MTDH: variants seen among roughly 807,000 people sequenced by gnomAD.
The protein encoded by MTDH is protein LYRIC.
Under a neutral mutation model 72.7 loss-of-function variants are expected in MTDH, and 34 were observed. The observed-to-expected ratio is 0.47, with a 90% confidence interval of 0.36 to 0.62. The LOEUF is 0.62. Ranked by LOEUF, MTDH falls within the 20% of genes least tolerant of loss-of-function variation. The probability of loss-of-function intolerance (pLI) is 0.00; values close to 1 mark genes in which losing one functional copy is unlikely to be tolerated. For synonymous variants in MTDH, 266 were observed against 268.9 expected, an observed-to-expected ratio of 0.99 and a Z score of 0.10; for missense variants, 677 against 699.4, an observed-to-expected ratio of 0.97 and a Z score of 0.36.
chr8:97,715,001 T>C (rs1814803647), intron 9 of MTDH, among the ~76,000 whole-genome samples: 1 of 151,960 alleles, frequency 6.6e-6, no homozygotes, highest in East Asian at 1.9e-4. Flanking sequence ...AATTTTTGTA[T>C]TTTAGTAGAG....
At chr8:97,700,843 A>C (rs1269757732) in intron 7 of MTDH, among the ~76,000 whole-genome samples, 3 of 152,158 alleles carry the variant, frequency 2.0e-5, no homozygotes, top group Non-Finnish European at 2.9e-5. Context: ...CTTAACCACT[A>C]TCTGGTACAG....
At chr8:97,693,129 T>C (rs548762356) in intron 6 of MTDH, among the ~76,000 whole-genome samples, 1 of 152,236 alleles carries the variant, frequency 6.6e-6, no homozygotes, top group Non-Finnish European at 1.5e-5. Flanking sequence ...AGTGCCTAAG[T>C]ATTTTCTAAG....
chr8:97,680,308 T>C (rs566522096), intron 2 of MTDH, among the ~76,000 whole-genome samples: 2 of 152,142 alleles, frequency 1.3e-5, no homozygotes, highest in South Asian at 4.1e-4. Flanking sequence ...CTGGCCTCAA[T>C]CGGTCGGCCC....
intron 1 of MTDH, among the ~76,000 whole-genome samples, chr8:97,660,310 A>G (rs1225381333): frequency 6.6e-6 from 1 of 152,214 alleles, no homozygotes; most frequent in Non-Finnish European, 1.5e-5. Flanking sequence ...GGCTGTGGCA[A>G]TGGGTCGGAA....
At chr8:97,655,427 A>C (rs928265913) in intron 1 of MTDH, among the ~76,000 whole-genome samples, 5 of 152,248 alleles carry the variant, frequency 3.3e-5, no homozygotes, top group African/African-American at 9.6e-5. Flanking sequence ...TGCTGCCTCT[A>C]GAGCAAGCCT....
In MTDH at chr8:97,697,146, A is replaced by T. The variant is rs1428398761; in HGVS notation, c.1049-2608A>T. Among the ~76,000 whole-genome samples the T allele has an allele frequency of 1.0e-3, 72 of 68,898 alleles. 1 individual carries two copies. Among genetic ancestry groups the T allele is most frequent in the African/African-American group, 7.5e-3 (55 of 7,322 alleles). The allele number at this position is 68,898 out of a possible 152,430, so 45.2% of individuals were successfully genotyped here. On this transcript the variant is annotated intron_variant, in intron 6 of 11. Transcript: ENST00000336273. ...AAAAAAAAAATATATATATATATAT[A>T]TATATTTTTTTTTTGTGGACCCAGT...
chr8:97,665,940 A>G (rs1333612239), intron 2 of MTDH, among the ~76,000 whole-genome samples: 1 of 152,128 alleles, frequency 6.6e-6, no homozygotes, highest in African/African-American at 2.4e-5. Flanking sequence ...CATCCTGGCT[A>G]ACACAGTGAA....
At chr8:97,685,289 T>C (rs1813315232) in intron 2 of MTDH, among the ~76,000 whole-genome samples, 1 of 152,156 alleles carries the variant, frequency 6.6e-6, no homozygotes, top group Non-Finnish European at 1.5e-5. Context: ...ATGTTAATGA[T>C]AATGAGAACA....
rs1812734058 is a variant in MTDH at position 97,673,880 on chromosome 8, T to A, written c.483+12707T>A. The stretch of plus-strand genomic sequence containing the variant: ...TTCCCAGCTACTTGGGAGGCTGAGG[T>A]AGGAGCATTGCTTGAGCCCAAGAGG... On this transcript the variant is annotated intron_variant, in intron 2 of 11. Transcript: ENST00000336273. 4.0e-5 allele frequency among the ~76,000 whole-genome samples: 6 copies of A among 150,372 alleles called. No individual in the cohort carries two copies. In the South Asian group the frequency reaches 1.3e-3, roughly 32 times the overall value.
intron 7 of MTDH, among the ~76,000 whole-genome samples, chr8:97,704,246 A>G (rs912556099): frequency 4.6e-5 from 7 of 152,166 alleles, no homozygotes; most frequent in East Asian, 1.9e-4. Context: ...AAGCTTACCT[A>G]TCTTCACCCC....
intron 2 of MTDH, among the ~76,000 whole-genome samples, chr8:97,663,405 A>G (rs1353681516): frequency 1.3e-5 from 2 of 152,162 alleles, no homozygotes; most frequent in South Asian, 2.1e-4. Context: ...ATATACTTAC[A>G]TATCTAGTAG....
chr8:97,644,575 A>G lies in MTDH; in HGVS notation c.69A>G (p.Glu23=), dbSNP rs767299616. 2.5e-6 allele frequency: 4 copies of G among 1,607,160 alleles called. No homozygotes were observed. In the South Asian group the frequency reaches 3.3e-5, roughly 13 times the overall value. The part of the protein sequence containing the change: ...QAEEGSARLR[E]MLSVGLGFLR... ...AGGAGGGCTCGGCCCGGCTGCGGGA[A>G]ATGCTCTCGGTCGGCCTAGGCTTTC... Residue 23 remains glutamate, a synonymous_variant, in exon 1 of 12, where the codon GAA becomes GAG. Transcript: ENST00000336273.
chr8:97,676,911 A>G (rs1295607129), intron 2 of MTDH, among the ~76,000 whole-genome samples: 1 of 144,884 alleles, frequency 6.9e-6, no homozygotes, highest in African/African-American at 2.5e-5. Flanking sequence ...AGGCTGAGAC[A>G]GGAGTATTGC....
chr8:97,646,476 GATCTT>G (rs1811567823), intron 1 of MTDH, among the ~76,000 whole-genome samples: 1 of 152,146 alleles, frequency 6.6e-6, no homozygotes, highest in Non-Finnish European at 1.5e-5. Flanking sequence ...GAAAGAAGGT[GATCTT>G]GAAAGAAACA....
chr8:97,687,244 A>G (rs553152420), intron 3 of MTDH, among the ~76,000 whole-genome samples, 185 bp from the exon 4 acceptor site: 19 of 152,320 alleles, frequency 1.2e-4, no homozygotes, highest in African/African-American at 4.6e-4. Context: ...ACAGTTGCCT[A>G]AAACAACATA....
In MTDH at chr8:97,689,051, A is replaced by G; in HGVS notation, c.759A>G (p.Leu253=). The G allele has an allele frequency of 1.3e-6, 2 of 1,574,324 alleles. No homozygotes were observed. The highest frequency in any genetic ancestry group is 1.2e-5 in the South Asian group (1 of 86,096). Residue 253 remains leucine, a synonymous_variant, in exon 5 of 12, where the codon CTA becomes CTG. Coordinates refer to ENST00000336273, the MANE Select transcript of MTDH (RefSeq NM_178812.4). ...GSKKNKGDSH[L]NVQVSNFKSG... ...TATTTTAACCAGGTGATTCTCATCT[A>G]AATGTTCAAGTTAGCAACTTTAAAT... is the stretch of plus-strand genomic sequence containing the variant.
At chr8:97,715,164 G>T (rs567931224) in intron 9 of MTDH, among the ~76,000 whole-genome samples, 2 of 149,466 alleles carry the variant, frequency 1.3e-5, no homozygotes, top group Non-Finnish European at 3.0e-5. Context: ...GTCTCACTCT[G>T]TCACCCCGGC....
intron 2 of MTDH, among the ~76,000 whole-genome samples, chr8:97,663,777 G>A (rs1028174016): frequency 6.7e-6 from 1 of 149,874 alleles, no homozygotes; most frequent in African/African-American, 2.5e-5. Context: ...AAGACTTTAT[G>A]GTTGTTTAAA....
intron 2 of MTDH, among the ~76,000 whole-genome samples, chr8:97,671,880 A>G (rs1312764817): frequency 6.6e-6 from 1 of 152,162 alleles, no homozygotes; most frequent in Non-Finnish European, 1.5e-5. Flanking sequence ...GACATCCTTA[A>G]TACATTTTAG....
Sources: gnomAD v4.1 joint callset for allele counts (sites outside exome capture counted in the v4.1 genomes callset) on GRCh38, gnomAD v4.1.1 for gene constraint, MANE v1.5 for transcripts, NCBI Gene and HGNC (gene_info 2026-07-23, HGNC 2026-07-21) for gene names.